Variants in EFEMP2 observed in about 807,000 individuals in gnomAD.
EFEMP2 encodes the protein EGF-like fibulin extracellular matrix protein 2.
In EFEMP2, 21 loss-of-function variants were observed where a neutral mutation model predicts 55.3. That is an observed-to-expected ratio of 0.38 (90% CI 0.27 to 0.55). The LOEUF is 0.55. EFEMP2 is among the 20% of genes least tolerant of loss of function. The probability of loss-of-function intolerance (pLI) is 0.77; values close to 1 mark genes in which losing one functional copy is unlikely to be tolerated. For missense variants in EFEMP2, 513 were observed against 615.1 expected (o/e 0.83, Z 1.76); for synonymous variants, 275 against 242.3 (o/e 1.14, Z -1.25).
chr11:65,866,998 C>A lies in EFEMP2; in HGVS notation c.1252G>T (p.Val418Phe), dbSNP rs779595425. ...PREYVLDLEM[V>F]TMNSLMSYRA... ...TAGCTCATGAGGGAATTCATGGTGA[C>A]CATCTCCAGGTCCAGCACGTACTCC... Residue 418 changes from valine to phenylalanine, a missense_variant, in exon 11 of 11, where the codon GTC (valine) becomes TTC (phenylalanine). Val to Phe is a conservative substitution (Grantham distance 50, BLOSUM62 -1). Coordinates refer to ENST00000307998, the MANE Select transcript of EFEMP2 (RefSeq NM_016938.5). 6.2e-7 allele frequency: 1 copy of A among 1,614,216 alleles called. No homozygotes were observed. Among genetic ancestry groups the A allele is most frequent in the Non-Finnish European group, 8.5e-7 (1 of 1,180,050 alleles).
At position 65,871,214 on chromosome 11, in the gene EFEMP2, G is replaced by C. The variant is rs767767756; in HGVS notation, c.310C>G (p.Gln104Glu). The C allele has an allele frequency of 6.2e-7, 1 of 1,614,096 alleles. No homozygotes were observed. Among genetic ancestry groups the C allele is most frequent in the Non-Finnish European group, 8.5e-7 (1 of 1,179,944 alleles). The stretch of plus-strand genomic sequence containing the variant: ...CCTGGTGGGCAGGGGTTGGGGTGTT[G>C]AGCGGGAGGCACTGGTGGCGGGGGT... ...EGPPPPVPPA[Q>E]HPNPCPPGYE... is the part of the protein sequence containing the mutation. Residue 104 changes from glutamine (Q) to glutamate (E), a missense_variant, in exon 4 of 11, where the codon CAA (glutamine) becomes GAA (glutamate). Gln to Glu is a conservative substitution (Grantham distance 29). Transcript: ENST00000307998.
intron 7 of EFEMP2, chr11:65,868,909 G>C: frequency 2.2e-6 from 1 of 462,708 alleles, no homozygotes; most frequent in South Asian, 2.1e-5. Flanking sequence ...AGCTGATCTA[G>C]GGGAATCTCA....
At chr11:65,870,421 G>A (rs892934459) in intron 5 of EFEMP2, 115 bp downstream of exon 5, 3 of 1,525,566 alleles carry the variant, frequency 2.0e-6, no homozygotes, top group Middle Eastern at 2.0e-4. Context: ...GATGACGGAG[G>A]GTGAGGTGGC....
intron 8 of EFEMP2, 27 bp from the exon 9 acceptor site, chr11:65,868,448 C>T (rs760560174): frequency 3.7e-6 from 6 of 1,613,818 alleles, no homozygotes; most frequent in South Asian, 2.2e-5. Flanking sequence ...GGGCTGGAAT[C>T]GGGGGCGTCA....
At chr11:65,867,181 A>T in intron 10 of EFEMP2, 102 bp from the exon 11 acceptor site, 1 of 1,472,360 alleles carries the variant, frequency 6.8e-7, no homozygotes, top group Non-Finnish European at 9.4e-7. Context: ...AGGCAGAGGA[A>T]CAGCCCTGGC....
rs182188777 is a variant in EFEMP2 at position 65,866,499 on chromosome 11, T to C, written c.*419A>G. The C allele has an allele frequency of 2.8e-6, 2 of 702,738 alleles. No individual in the cohort carries two copies. The highest frequency in any genetic ancestry group is 3.0e-5 in the South Asian group (2 of 67,590). 43.5% of individuals were successfully genotyped at this position (702,738 alleles called of 1,614,324 possible). On this transcript the variant is annotated 3_prime_UTR_variant, in exon 11 of 11. Coordinates refer to ENST00000307998, the MANE Select transcript of EFEMP2 (RefSeq NM_016938.5). ...AGGCCCAGGGAACTACTAGGGCTTATCCAAATGTACAGTTTGAGGCAGAGT... is the reference window on the plus strand; with the variant it reads ...AGGCCCAGGGAACTACTAGGGCTTACCCAAATGTACAGTTTGAGGCAGAGT...
In EFEMP2 at chr11:65,866,754, C is replaced by T; in HGVS notation, c.*164G>A. On this transcript the variant is annotated 3_prime_UTR_variant, in exon 11 of 11. Transcript: ENST00000307998. ...CCCCATTTAGGTGAACTTGGCCTGC[C>T]CCCCCAAGTGCCACCCTGCCCCAGC... The T allele has an allele frequency of 3.3e-6, 3 of 903,918 alleles. No individual in the cohort carries two copies. Among genetic ancestry groups the T allele is most frequent in the East Asian group, 2.6e-5 (1 of 38,112 alleles). 56.0% of individuals were successfully genotyped at this position (903,918 alleles called of 1,614,324 possible).
intron 2 of EFEMP2, 94 bp downstream of exon 2, chr11:65,872,150 G>A: frequency 6.7e-7 from 1 of 1,497,652 alleles, no homozygotes; most frequent in Non-Finnish European, 9.1e-7. Context: ...CACCAGCCAG[G>A]GGAGGAAGAC....
At position 65,869,996 on chromosome 11, in the gene EFEMP2, C is replaced by T; in HGVS notation, c.608-20G>A. 1 of 1,613,662 alleles carries T rather than the reference C, an allele frequency of 6.2e-7. No individual in the cohort carries two copies. The highest frequency in any genetic ancestry group is 8.5e-7 in the Non-Finnish European group (1 of 1,179,888). ...TCACATCTGGGGGTGCCAGGAAAAA[C>T]AGGAGGGATGAAAGCGGAGGAGGAG... On this transcript the variant is annotated intron_variant, in intron 6 of 10. Coordinates refer to ENST00000307998, the MANE Select transcript of EFEMP2 (RefSeq NM_016938.5).
Position 65,871,234 on chromosome 11 carries a change from G to A in EFEMP2, c.290C>T (p.Pro97Leu), listed in dbSNP as rs779247685. The stretch of plus-strand genomic sequence containing the variant: ...GTGTTGAGCGGGAGGCACTGGTGGC[G>A]GGGGTCCCTCGCCGTGTAGGTCGTT... The part of the protein sequence containing the change: ...VINDLHGEGP[P>L]PPVPPAQHPN... The change falls in exon 4 of 11, where the codon CCG (proline) becomes CTG (leucine). Residue 97 changes from proline (P) to leucine (L), a missense_variant. Pro to Leu is a moderately conservative substitution (Grantham distance 98, BLOSUM62 -3). Coordinates refer to ENST00000307998, the MANE Select transcript of EFEMP2 (RefSeq NM_016938.5). 3.8e-5 allele frequency: 61 copies of A among 1,613,942 alleles called. No individual in the cohort carries two copies. Among genetic ancestry groups the A allele is most frequent in the South Asian group, 1.9e-4 (17 of 91,080 alleles).
chr11:65,870,164 G>A lies in EFEMP2; in HGVS notation c.564C>T (p.Cys188=), dbSNP rs570927073. 40 of 1,613,720 alleles carry A rather than the reference G, an allele frequency of 2.5e-5. No individual in the cohort carries two copies. The highest frequency in any genetic ancestry group is 3.3e-5 in the South Asian group (3 of 91,082). ...TAGGCCCCAGCTGGAAGCCCGGCTC[G>A]CACTGGCAGCGGAAGGAGCCAGGCA... The part of the protein sequence containing the change: ...VNLPGSFRCQ[C]EPGFQLGPNN... The change falls in exon 6 of 11, where the codon TGC becomes TGT. Residue 188 remains cysteine, a synonymous_variant. Coordinates refer to ENST00000307998, the MANE Select transcript of EFEMP2 (RefSeq NM_016938.5).
intron 9 of EFEMP2, 101 bp from the exon 10 acceptor site, chr11:65,868,157 C>A: frequency 6.4e-7 from 1 of 1,560,056 alleles, no homozygotes; most frequent in Non-Finnish European, 8.7e-7. Context: ...CCCTTCTACC[C>A]CTGTGACTGG....
chr11:65,872,205 C>G (rs1284420863), intron 2 of EFEMP2, 39 bp downstream of exon 2: 1 of 1,534,590 alleles, frequency 6.5e-7, no homozygotes, highest in East Asian at 2.4e-5. Flanking sequence ...TTCCTCCCTA[C>G]CCTTCCTGTC....
rs2134753788 is a variant in EFEMP2, at chr11:65,872,323, G to C, written c.32C>G (p.Ser11Cys). The change falls in exon 2 of 11, where the codon TCT (serine) becomes TGT (cysteine). Residue 11 changes from serine (S) to cysteine (C), a missense_variant. Ser to Cys is a moderately radical substitution (Grantham distance 112, BLOSUM62 -1). Coordinates refer to ENST00000307998, the MANE Select transcript of EFEMP2 (RefSeq NM_016938.5). MLPCASCLPG[S>C]LLLWALLLLL... ...CAGTAGCAGCGCCCAGAGCAGTAGA[G>C]ACCCGGGTAGGCAGGAGGCGCAGGG... 6.4e-7 allele frequency: 1 copy of C among 1,551,710 alleles called. No homozygotes were observed. The highest frequency in any genetic ancestry group is 8.7e-7 in the Non-Finnish European group (1 of 1,147,028).
At chr11:65,867,343 G>C in intron 10 of EFEMP2, 1 of 552,714 alleles carries the variant, frequency 1.8e-6, no homozygotes, top group Non-Finnish European at 3.3e-6. Flanking sequence ...ACGATTCAAG[G>C]CCACATGTGG....
In EFEMP2 at chr11:65,867,020, C is replaced by A. The variant is rs1166325307; in HGVS notation, c.1230G>T (p.Glu410Asp). Residue 410 changes from glutamate (E) to aspartate (D), a missense_variant, in exon 11 of 11, where the codon GAG becomes GAT. By Grantham distance (45) the Glu-to-Asp change is conservative (BLOSUM62 2). Transcript: ENST00000307998. ...TGACCATCTCCAGGTCCAGCACGTA[C>A]TCCCGGGGGCCCGTCACCGGCCGGG... Reference protein sequence around the residue: ...VLARPVTGPREYVLDLEMVTM... With the variant: ...VLARPVTGPRDYVLDLEMVTM... The A allele has an allele frequency of 6.2e-7, 1 of 1,614,200 alleles. No homozygotes were observed. Among genetic ancestry groups the A allele is most frequent in the South Asian group, 1.1e-5 (1 of 91,090 alleles).
chr11:65,870,249 GGCAGGA>G lies in EFEMP2; in HGVS notation c.491-18_491-13del. ...GCACTCGTCTATGTCTAGGGATAGA[GGCAGGA>G]GAAGGAGGGCGGAGGGCAGAGGGCA... On this transcript the variant is annotated splice_polypyrimidine_tract_variant and intron_variant, in intron 5 of 10. Coordinates refer to ENST00000307998, the MANE Select transcript of EFEMP2 (RefSeq NM_016938.5). The G allele has an allele frequency of 6.2e-7, 1 of 1,611,012 alleles. No homozygotes were observed. The highest frequency in any genetic ancestry group is 1.3e-5 in the African/African-American group (1 of 74,972).
chr11:65,870,137 G>A lies in EFEMP2; in HGVS notation c.591C>T (p.Asn197=), dbSNP rs1402067269. Residue 197 remains asparagine, a synonymous_variant, in exon 6 of 11, where the codon AAC becomes AAT. Coordinates refer to ENST00000307998, the MANE Select transcript of EFEMP2 (RefSeq NM_016938.5). ...CAGCCTCACCAACACAGGAGCGGTTGTTAGGCCCCAGCTGGAAGCCCGGCT... is the reference window on the plus strand; with the variant it reads ...CAGCCTCACCAACACAGGAGCGGTTATTAGGCCCCAGCTGGAAGCCCGGCT... ...QCEPGFQLGP[N]NRSCVDVNEC... The A allele has an allele frequency of 6.2e-7, 1 of 1,613,690 alleles. No individual in the cohort carries two copies. The highest frequency in any genetic ancestry group is 2.2e-5 in the East Asian group (1 of 44,902).
At chr11:65,867,796 C>T in intron 10 of EFEMP2, 65 bp downstream of exon 10, 1 of 1,583,118 alleles carries the variant, frequency 6.3e-7, no homozygotes, top group Non-Finnish European at 8.7e-7. Context: ...CCGAGTTCCC[C>T]CTTAAGGCGT....
Sources: gnomAD v4.1 joint callset for allele counts on GRCh38, gnomAD v4.1.1 for gene constraint, MANE v1.5 for transcripts, NCBI Gene and HGNC (gene_info 2026-07-23, HGNC 2026-07-21) for gene names.